Variants in SEMA6D observed in about 807,000 individuals in gnomAD.
SEMA6D encodes semaphorin 6D.
SEMA6D carries 35 observed loss-of-function variants against 106.6 expected under a neutral mutation model. The ratio of observed to expected loss-of-function variants is 0.33; its 90% CI spans 0.25 to 0.44. The LOEUF is 0.44. Ranked by LOEUF, SEMA6D falls within the 20% of genes least tolerant of loss-of-function variation. The pLI, the probability that SEMA6D is intolerant of heterozygous loss-of-function variation, is 1.00. For synonymous variants in SEMA6D, 499 were observed against 487.7 expected, an observed-to-expected ratio of 1.02 and a Z score of -0.31; for missense variants, 1,185 against 1,345.9, an observed-to-expected ratio of 0.88 and a Z score of 1.87.
intron 3 of SEMA6D, among the ~76,000 whole-genome samples, chr15:47,498,982 A>C (rs1270300295): frequency 2.0e-5 from 3 of 152,180 alleles, no homozygotes; most frequent in Non-Finnish European, 4.4e-5. Context: ...TATTCTCTTA[A>C]GTAACCCAGT....
At chr15:47,521,595 C>T (rs932706388) in intron 3 of SEMA6D, among the ~76,000 whole-genome samples, 5 of 152,194 alleles carry the variant, frequency 3.3e-5, no homozygotes, top group South Asian at 2.1e-4. Flanking sequence ...TTTGACTACA[C>T]CACCATTTGC....
At chr15:47,535,448 C>A (rs1428269684) in intron 3 of SEMA6D, among the ~76,000 whole-genome samples, 6 of 152,082 alleles carry the variant, frequency 3.9e-5, no homozygotes, top group African/African-American at 1.4e-4. Flanking sequence ...AACCACCACA[C>A]AAAACAGCCC....
At position 47,535,335 on chromosome 15, in the gene SEMA6D, T is replaced by TA. The variant is rs1350261670; in HGVS notation, c.-87+64791dup. 6.6e-5 allele frequency among the ~76,000 whole-genome samples: 10 copies of TA among 152,162 alleles called. No individual in the cohort carries two copies. The East Asian group carries it at 1.9e-3, about 30-fold the overall frequency. The stretch of plus-strand genomic sequence containing the variant: ...TATCCCACAGATAAGAACATAAAGG[T>TA]AGACAGAAGTCAAGTAACTTGCCCA... On this transcript the variant is annotated intron_variant, in intron 3 of 19. Coordinates refer to the SEMA6D transcript ENST00000558014.
At chr15:47,481,849 C>A (rs2043162076) in intron 3 of SEMA6D, among the ~76,000 whole-genome samples, 1 of 152,120 alleles carries the variant, frequency 6.6e-6, no homozygotes. Context: ...TATGTTAAGA[C>A]TGAACATAGG....
At chr15:47,390,756 C>G (rs1168745851) in intron 1 of SEMA6D, among the ~76,000 whole-genome samples, 3 of 152,174 alleles carry the variant, frequency 2.0e-5, no homozygotes, top group Non-Finnish European at 4.4e-5. Flanking sequence ...GTGATTCTCT[C>G]AGCATCTTGT....
At chr15:47,729,007 C>T (rs753346367) in intron 1 of SEMA6D, among the ~76,000 whole-genome samples, 3 of 152,202 alleles carry the variant, frequency 2.0e-5, no homozygotes, top group South Asian at 2.1e-4. Flanking sequence ...CCAGGGATTA[C>T]GGCATGGACA....
chr15:47,740,637 G>A (rs1475045238), intron 1 of SEMA6D, among the ~76,000 whole-genome samples: 2 of 152,190 alleles, frequency 1.3e-5, no homozygotes, highest in Non-Finnish European at 2.9e-5. Flanking sequence ...CTTAAAAGAA[G>A]GGTTTCAAAG....
chr15:47,470,495 T>C (rs2042804296), exon 3 of SEMA6D: 1 of 152,090 alleles, frequency 6.6e-6, no homozygotes, highest in African/African-American at 2.4e-5. Context: ...CTGGATCTCT[T>C]GTTCGCAAAT....
intron 1 of SEMA6D, chr15:47,359,982 A>G (rs1272885730): frequency 6.6e-6 from 1 of 152,068 alleles, no homozygotes; most frequent in Non-Finnish European, 1.5e-5. Context: ...CCCCAAAAAG[A>G]TTTCAGAAGT....
At chr15:47,189,037 T>C (rs1893770558) in intron 1 of SEMA6D, among the ~76,000 whole-genome samples, 1 of 152,212 alleles carries the variant, frequency 6.6e-6, no homozygotes, top group Non-Finnish European at 1.5e-5. Flanking sequence ...TAACTAAATC[T>C]TTTAATTTTC....
At chr15:47,364,391 G>A (rs985962814) in intron 1 of SEMA6D, among the ~76,000 whole-genome samples, 3 of 152,126 alleles carry the variant, frequency 2.0e-5, no homozygotes, top group Non-Finnish European at 4.4e-5. Flanking sequence ...TCAGTCACTC[G>A]AAAGATGCCA....
intron 1 of SEMA6D, among the ~76,000 whole-genome samples, chr15:47,224,064 G>C (rs141176971): frequency 0.012 from 1,815 of 151,892 alleles, 39 homozygotes; most frequent in African/African-American, 0.042. Flanking sequence ...GCTAGATGAC[G>C]AGTTAGTGGG....
intron 1 of SEMA6D, among the ~76,000 whole-genome samples, chr15:47,365,167 G>A (rs1007248645): frequency 3.9e-5 from 6 of 152,164 alleles, no homozygotes; most frequent in African/African-American, 1.2e-4. Context: ...CAAAAGAGAC[G>A]ACCTGCTGAT....
chr15:47,487,463 T>C (rs2043330637), intron 3 of SEMA6D, among the ~76,000 whole-genome samples: 1 of 152,230 alleles, frequency 6.6e-6, no homozygotes, highest in South Asian at 2.1e-4. Context: ...TATTCAGATA[T>C]GTGTGTCTAC....
At chr15:47,708,412 C>T (rs970551310) in intron 4 of SEMA6D, among the ~76,000 whole-genome samples, 2 of 152,292 alleles carry the variant, frequency 1.3e-5, no homozygotes, top group South Asian at 4.1e-4. Context: ...CATTTATCTT[C>T]CAGTGTGACT....
intron 1 of SEMA6D, among the ~76,000 whole-genome samples, chr15:47,186,986 T>C (rs1364064741): frequency 1.3e-5 from 2 of 152,026 alleles, no homozygotes; most frequent in Admixed American, 6.6e-5. Flanking sequence ...AAGGTCTTTC[T>C]AAACTTGTTC....
intron 1 of SEMA6D, among the ~76,000 whole-genome samples, chr15:47,218,791 G>C (rs1466487723): frequency 6.6e-6 from 1 of 152,190 alleles, no homozygotes; most frequent in African/African-American, 2.4e-5. Context: ...AACGGTCACA[G>C]TAACTCTAGG....
intron 1 of SEMA6D, among the ~76,000 whole-genome samples, chr15:47,266,435 C>T (rs139584879): frequency 3.9e-4 from 59 of 152,146 alleles, no homozygotes; most frequent in African/African-American, 1.4e-3. Context: ...TAAGTGACAA[C>T]TTTGTTTTTG....
intron 4 of SEMA6D, among the ~76,000 whole-genome samples, chr15:47,685,310 C>T (rs2078445270): frequency 6.6e-6 from 1 of 152,180 alleles, no homozygotes; most frequent in Non-Finnish European, 1.5e-5. Context: ...TGACACTTTG[C>T]TGAGTAGCAC....
Sources: allele counts gnomAD v4.1 joint callset (sites outside exome capture counted in the v4.1 genomes callset), GRCh38; gene constraint gnomAD v4.1.1; transcripts MANE v1.5; gene names NCBI Gene and HGNC (gene_info 2026-07-23, HGNC 2026-07-21).